The following LUC7L2 variants were observed in gnomAD, a reference collection of about 807,000 sequenced individuals.
The protein encoded by LUC7L2 is putative RNA-binding protein Luc7-like 2.
LUC7L2 carries 25 observed loss-of-function variants against 52.8 expected under a neutral mutation model. The ratio of observed to expected loss-of-function variants is 0.47; its 90% CI spans 0.34 to 0.66. The LOEUF (loss-of-function observed/expected upper bound fraction) is 0.66, where lower values mean the gene tolerates loss of function less well. Ranked by LOEUF, LUC7L2 falls within the 30% of genes least tolerant of loss-of-function variation. The pLI is 0.01. For missense variants in LUC7L2, 328 were observed against 497.8 expected, an observed-to-expected ratio of 0.66 and a Z score of 3.25; for synonymous variants, 144 against 160.9, an observed-to-expected ratio of 0.89 and a Z score of 0.80.
chr7:139,366,742 C>A (rs1039192509), intron 1 of LUC7L2, among the ~76,000 whole-genome samples: 7 of 152,172 alleles, frequency 4.6e-5, no homozygotes, highest in Non-Finnish European at 1.0e-4. Flanking sequence ...TTATTCTAAA[C>A]CAAGTGTGGT....
In LUC7L2 at chr7:139,393,424, T is replaced by A. The variant is rs1271370155; in HGVS notation, c.157-5175T>A. ...CAGACTGGGGGACAGAGTGAGGCCCTGTCTCTAAAAAAGTAAAAATAAATA... is the reference window on the plus strand; with the variant it reads ...CAGACTGGGGGACAGAGTGAGGCCCAGTCTCTAAAAAAGTAAAAATAAATA... On this transcript the variant is annotated intron_variant, in intron 2 of 9. Transcript: ENST00000354926. 2.6e-5 allele frequency among the ~76,000 whole-genome samples: 4 copies of A among 152,046 alleles called. No individual in the cohort carries two copies. The East Asian group carries it at 7.7e-4, about 29-fold the overall frequency.
intron 9 of LUC7L2, among the ~76,000 whole-genome samples, chr7:139,421,300 A>T (rs1370035279): frequency 1.3e-5 from 2 of 152,194 alleles, no homozygotes; most frequent in African/African-American, 4.8e-5. Flanking sequence ...GTTGAGTGAG[A>T]TAATTATGTA....
At chr7:139,388,106 C>A (rs1794285836) in intron 2 of LUC7L2, among the ~76,000 whole-genome samples, 1 of 152,104 alleles carries the variant, frequency 6.6e-6, no homozygotes. Context: ...AGCCTCTGAA[C>A]CCCAGTATAG....
chr7:139,398,458 A>G (rs893322040), intron 2 of LUC7L2, 141 bp from the exon 3 acceptor site: 7 of 547,806 alleles, frequency 1.3e-5, no homozygotes, highest in Non-Finnish European at 2.0e-5. Flanking sequence ...ATATTTGTCT[A>G]TGAAATTTTG....
chr7:139,386,986 G>A (rs1009091304), intron 2 of LUC7L2, among the ~76,000 whole-genome samples: 2 of 151,918 alleles, frequency 1.3e-5, no homozygotes, highest in Admixed American at 6.6e-5. Context: ...TTACAGGCAC[G>A]TGCCACCATG....
At chr7:139,347,033 A>G (rs189394754) in intron 1 of LUC7L2, among the ~76,000 whole-genome samples, 4 of 152,260 alleles carry the variant, frequency 2.6e-5, no homozygotes, top group African/African-American at 4.8e-5. Flanking sequence ...TAAAGGGTCT[A>G]TTTGCTTCTT....
chr7:139,399,449 ATTTTTTTTTTTTTTTTTTTTTTT>A (rs71169090), intron 3 of LUC7L2, among the ~76,000 whole-genome samples: 13 of 50,444 alleles, frequency 2.6e-4, no homozygotes, highest in East Asian at 2.4e-3. Flanking sequence ...TGTTTGGGGG[ATTTTTTTTTTTTTTTTTTTTTTT>A]TTTTTTTTTT....
At chr7:139,375,847 C>T (rs898356050) in intron 1 of LUC7L2, 5 of 455,672 alleles carry the variant, frequency 1.1e-5, no homozygotes, top group Non-Finnish European at 1.9e-5. Flanking sequence ...TGCTTTCTCA[C>T]TTTGACTATT....
intron 1 of LUC7L2, among the ~76,000 whole-genome samples, chr7:139,364,150 A>G (rs1385689648): frequency 6.6e-6 from 1 of 151,730 alleles, no homozygotes; most frequent in Non-Finnish European, 1.5e-5. Flanking sequence ...ACGTCTGGCT[A>G]ATTTTTGTAT....
intron 1 of LUC7L2, among the ~76,000 whole-genome samples, chr7:139,360,613 G>A (rs1219604917): frequency 1.3e-5 from 2 of 152,180 alleles, no homozygotes; most frequent in Admixed American, 1.3e-4. Flanking sequence ...GAGAGCCCGC[G>A]TCTCTGTTGC....
intron 1 of LUC7L2, chr7:139,345,514 A>C: frequency 6.2e-7 from 1 of 1,614,162 alleles, no homozygotes; most frequent in South Asian, 1.1e-5. Context: ...ACCAGTGAAA[A>C]GTTGTGCAGA....
intron 9 of LUC7L2, among the ~76,000 whole-genome samples, chr7:139,420,059 A>G (rs1450605108): frequency 8.3e-6 from 1 of 119,976 alleles, no homozygotes; most frequent in African/African-American, 6.0e-5. Flanking sequence ...CTCTGATACA[A>G]GTAGATTCTT....
intron 1 of LUC7L2, among the ~76,000 whole-genome samples, chr7:139,352,481 G>A (rs1371396920): frequency 6.6e-6 from 1 of 152,190 alleles, no homozygotes. Context: ...GGGTGACAGA[G>A]CAAGACCCCA....
intron 2 of LUC7L2, among the ~76,000 whole-genome samples, chr7:139,380,632 A>G (rs1800965800): frequency 6.6e-6 from 1 of 151,992 alleles, no homozygotes; most frequent in East Asian, 1.9e-4. Context: ...AGCTTGGATT[A>G]TTTTTCTATT....
rs570986558 is a variant in LUC7L2, at chr7:139,393,337, G to A, written c.157-5262G>A. ...TACTCAGGTGTCAGGTGGCTTAAGC[G>A]GGAGGATTGCTTGACCCTGGGAGGT... On this transcript the variant is annotated intron_variant, in intron 2 of 9. Transcript: ENST00000354926. Among the ~76,000 whole-genome samples the A allele has an allele frequency of 9.9e-5, 15 of 152,094 alleles. No homozygotes were observed. The South Asian group carries it at 1.0e-3, about 11-fold the overall frequency.
At position 139,422,482 on chromosome 7, in the gene LUC7L2, G is replaced by C; in HGVS notation, c.*142G>C. 1.5e-6 allele frequency: 2 copies of C among 1,359,332 alleles called. No homozygotes were observed. The highest frequency in any genetic ancestry group is 1.9e-6 in the Non-Finnish European group (2 of 1,054,718). The allele number at this position is 1,359,332 out of a possible 1,614,324, so 84.2% of individuals were successfully genotyped here. The stretch of plus-strand genomic sequence containing the variant: ...AGATGTACAGTATCTAACTTGATCT[G>C]AACTGAACCTGTTTTCCTTGATGAT... On this transcript the variant is annotated 3_prime_UTR_variant, in exon 10 of 10. Transcript: ENST00000354926.
At chr7:139,386,404 AT>A (rs4028268) in intron 2 of LUC7L2, among the ~76,000 whole-genome samples, 246 of 131,460 alleles carry the variant, frequency 1.9e-3, no homozygotes, top group Middle Eastern at 4.1e-3. Flanking sequence ...GTCACTGGAA[AT>A]TTTTTTTTTT....
intron 2 of LUC7L2, among the ~76,000 whole-genome samples, chr7:139,390,205 C>T (rs983439008): frequency 6.7e-6 from 1 of 148,834 alleles, no homozygotes; most frequent in African/African-American, 2.5e-5. Flanking sequence ...TTGATGTGGT[C>T]CAGTGCCCAG....
chr7:139,406,370 T>C (rs867204133), intron 5 of LUC7L2, among the ~76,000 whole-genome samples: 3 of 122,848 alleles, frequency 2.4e-5, no homozygotes, highest in African/African-American at 1.2e-4. Context: ...TTTTTTTTTT[T>C]AAGACAGAGT....
Sources: gnomAD v4.1 joint callset for allele counts (sites outside exome capture counted in the v4.1 genomes callset) on GRCh38, gnomAD v4.1.1 for gene constraint, MANE v1.5 for transcripts, NCBI Gene and HGNC (gene_info 2026-07-23, HGNC 2026-07-21) for gene names.